Variants in ROBO1 observed in about 807,000 individuals in gnomAD.
The protein encoded by ROBO1 is roundabout homolog 1.
Under a neutral mutation model 195.9 loss-of-function variants are expected in ROBO1, and 149 were observed. That is an observed-to-expected ratio of 0.76 (90% CI 0.67 to 0.87). The LOEUF (loss-of-function observed/expected upper bound fraction) is 0.87. Ranked by LOEUF, ROBO1 falls within the 40% of genes least tolerant of loss-of-function variation. The pLI, the probability that ROBO1 is intolerant of heterozygous loss-of-function variation, is 0.00. For synonymous variants in ROBO1, 816 were observed against 733.2 expected, an observed-to-expected ratio of 1.11 and a Z score of -1.82; for missense variants, 1,933 against 2,068.3, an observed-to-expected ratio of 0.93 and a Z score of 1.27.
At chr3:79,097,700 G>GA (rs946923578) in intron 3 of ROBO1, among the ~76,000 whole-genome samples, 65 of 151,646 alleles carry the variant, frequency 4.3e-4, no homozygotes, top group African/African-American at 1.5e-3. Flanking sequence ...GAAACCTGTG[G>GA]AAAAAAAGCA....
chr3:78,938,273 A>G (rs1241115937), intron 4 of ROBO1: 1 of 273,166 alleles, frequency 3.7e-6, no homozygotes, highest in Non-Finnish European at 7.1e-6. Context: ...TAGCTGAACT[A>G]TAGGCAGCAC....
chr3:78,864,561 T>G (rs2035048143), intron 4 of ROBO1, among the ~76,000 whole-genome samples: 1 of 152,182 alleles, frequency 6.6e-6, no homozygotes, highest in Non-Finnish European at 1.5e-5. Flanking sequence ...AAATTGAAGT[T>G]AAATTAACCT....
At chr3:79,105,358 G>C (rs2079758719) in intron 3 of ROBO1, among the ~76,000 whole-genome samples, 1 of 151,562 alleles carries the variant, frequency 6.6e-6, no homozygotes, top group Non-Finnish European at 1.5e-5. Flanking sequence ...CATTCAAAGG[G>C]AAACTGCAAC....
intron 4 of ROBO1, among the ~76,000 whole-genome samples, chr3:78,793,797 T>G (rs1012993609): frequency 7.2e-5 from 11 of 152,106 alleles, no homozygotes; most frequent in African/African-American, 2.4e-4. Context: ...CATATGAATG[T>G]GTCAACTGAT....
At chr3:78,816,192 A>G (rs1224102885) in intron 4 of ROBO1, among the ~76,000 whole-genome samples, 2 of 152,196 alleles carry the variant, frequency 1.3e-5, no homozygotes, top group Non-Finnish European at 2.9e-5. Context: ...AATCCTAGGG[A>G]CATTATGAAT....
intron 4 of ROBO1, among the ~76,000 whole-genome samples, chr3:78,870,169 C>T (rs9855516): frequency 0.057 from 8,698 of 152,178 alleles, 652 homozygotes; most frequent in African/African-American, 0.17. Flanking sequence ...TTCATCTGCA[C>T]CAAATCTGTA....
At chr3:79,701,951 A>G (rs1161522036) in intron 1 of ROBO1, among the ~76,000 whole-genome samples, 1 of 151,808 alleles carries the variant, frequency 6.6e-6, no homozygotes, top group East Asian at 1.9e-4. Context: ...GACTATACAA[A>G]GCAGATTATA....
intron 3 of ROBO1, among the ~76,000 whole-genome samples, chr3:78,995,925 G>A (rs1300213073): frequency 6.6e-6 from 1 of 152,080 alleles, no homozygotes; most frequent in African/African-American, 2.4e-5. Context: ...GGGCATACAT[G>A]ATATAAGTGA....
At chr3:79,237,736 G>C (rs1400441629) in intron 2 of ROBO1, among the ~76,000 whole-genome samples, 5 of 152,092 alleles carry the variant, frequency 3.3e-5, no homozygotes, top group African/African-American at 9.6e-5. Flanking sequence ...TTTTTGAGCA[G>C]TCTGTTGCTG....
chr3:79,443,677 C>T (rs191729898), intron 2 of ROBO1, among the ~76,000 whole-genome samples: 21 of 152,212 alleles, frequency 1.4e-4, no homozygotes, highest in Admixed American at 3.3e-4. Context: ...TTAAACTTGA[C>T]AACCGTATTC....
intron 1 of ROBO1, among the ~76,000 whole-genome samples, chr3:79,665,189 T>C (rs1437465991): frequency 6.6e-6 from 1 of 151,974 alleles, no homozygotes; most frequent in Non-Finnish European, 1.5e-5. Context: ...TACATATTTT[T>C]GAAATGCTAT....
intron 4 of ROBO1, among the ~76,000 whole-genome samples, chr3:78,836,054 CA>C (rs531936617): frequency 1.1e-3 from 160 of 152,246 alleles, no homozygotes; most frequent in South Asian, 2.3e-3. Context: ...CTGCCTAAAT[CA>C]ATTGATGTCT....
chr3:79,123,751 G>T (rs1010746756), intron 3 of ROBO1, among the ~76,000 whole-genome samples: 1 of 151,906 alleles, frequency 6.6e-6, no homozygotes, highest in African/African-American at 2.4e-5. Context: ...AGACTATAAA[G>T]ATAATTTTAT....
chr3:79,042,016 G>C (rs1213020390), intron 3 of ROBO1, among the ~76,000 whole-genome samples: 1 of 152,082 alleles, frequency 6.6e-6, no homozygotes, highest in Non-Finnish European at 1.5e-5. Flanking sequence ...ACCCAAGGGA[G>C]GCAACATTCA....
At position 79,762,609 on chromosome 3, in the gene ROBO1, A is replaced by AACACACACACACACACACACACACAC. The variant is rs60977072; in HGVS notation, c.-51+5142_-51+5143insGTGTGTGTGTGTGTGTGTGTGTGTGT. Among the ~76,000 whole-genome samples the AACACACACACACACACACACACACAC allele has an allele frequency of 3.6e-3, 529 of 146,692 alleles. 6 individuals carry two copies. Among genetic ancestry groups the AACACACACACACACACACACACACAC allele is most frequent in the African/African-American group, 0.012 (454 of 39,196 alleles). On this transcript the variant is annotated intron_variant, in intron 1 of 30. Transcript: ENST00000464233. ...ACCATTTGGGGCAGAATTCTGGACA[A>AACACACACACACACACACACACACAC]ACACACACACACACACACACACAAA... is the stretch of plus-strand genomic sequence containing the variant.
intron 2 of ROBO1, among the ~76,000 whole-genome samples, chr3:79,431,690 G>T (rs1299004141): frequency 6.6e-6 from 1 of 152,120 alleles, no homozygotes; most frequent in Admixed American, 6.6e-5. Context: ...ATGTTTAATT[G>T]CAAGGAAATA....
At chr3:79,241,244 G>C (rs549634969) in intron 2 of ROBO1, among the ~76,000 whole-genome samples, 39 of 152,192 alleles carry the variant, frequency 2.6e-4, no homozygotes, top group African/African-American at 8.2e-4. Context: ...CATAAAAGGA[G>C]TGTTAAGAAT....
In ROBO1 at chr3:79,141,972, G is replaced by GT. The variant is rs200877862; in HGVS notation, c.89-16434_89-16433insA. 2.0e-3 allele frequency among the ~76,000 whole-genome samples: 306 copies of GT among 150,336 alleles called. 1 individual carries two copies. Among genetic ancestry groups the GT allele is most frequent in the African/African-American group, 6.0e-3 (247 of 41,048 alleles). On this transcript the variant is annotated intron_variant, in intron 2 of 30. Transcript: ENST00000464233. ...TGTGGATTCTCAGACTGACATTTGTGGTTTTTTTTGTGGGGATATCTGCCA... is the reference window on the plus strand; with the variant it reads ...TGTGGATTCTCAGACTGACATTTGTGTGTTTTTTTTGTGGGGATATCTGCCA...
rs367967905 is a variant in ROBO1 at position 79,634,334 on chromosome 3, A to C, written c.-50-44373T>G. Among the ~76,000 whole-genome samples, 46 of 152,320 alleles carry C rather than the reference A, an allele frequency of 3.0e-4. 1 individual carries two copies. The East Asian group carries it at 6.0e-3, about 20-fold the overall frequency. On this transcript the variant is annotated intron_variant, in intron 1 of 30. Coordinates refer to ENST00000464233, the MANE Select transcript of ROBO1 (RefSeq NM_002941.4). Reference sequence around the variant, plus strand: ...AAACACAGCAGAATTGACCAGCACCATGCAGCTTCCAGGATTTGATGAGGG... The same window carrying C: ...AAACACAGCAGAATTGACCAGCACCCTGCAGCTTCCAGGATTTGATGAGGG...
Sources: allele counts gnomAD v4.1 joint callset (sites outside exome capture counted in the v4.1 genomes callset), GRCh38; gene constraint gnomAD v4.1.1; transcripts MANE v1.5; gene names NCBI Gene and HGNC (gene_info 2026-07-23, HGNC 2026-07-21).